Variants in TLN2 observed in about 807,000 individuals in gnomAD.
TLN2 encodes the protein talin-2.
Under a neutral mutation model 294.7 loss-of-function variants are expected in TLN2, and 118 were observed. That is an observed-to-expected ratio of 0.40 (90% CI 0.34 to 0.47). The LOEUF is 0.47. Ranked by LOEUF, TLN2 falls within the 20% of genes least tolerant of loss-of-function variation. The pLI, the probability that TLN2 is intolerant of heterozygous loss-of-function variation, is 0.84. For missense variants in TLN2, 3,083 were observed against 3,282.2 expected (o/e 0.94, Z 1.48); for synonymous variants, 1,431 against 1,304.5 (o/e 1.10, Z -2.09).
At chr15:62,419,707 G>T (rs1270002884) in intron 1 of TLN2, among the ~76,000 whole-genome samples, 1 of 152,018 alleles carries the variant, frequency 6.6e-6, no homozygotes, top group Non-Finnish European at 1.5e-5. Context: ...GAGTGCATTG[G>T]CTCACTGCAG....
At chr15:62,410,958 G>A (rs940791153) in intron 1 of TLN2, among the ~76,000 whole-genome samples, 10 of 152,282 alleles carry the variant, frequency 6.6e-5, no homozygotes, top group Non-Finnish European at 1.0e-4. Flanking sequence ...TTAAACCAGG[G>A]TACATCCATG....
chr15:62,483,347 C>T (rs577781774), intron 1 of TLN2, among the ~76,000 whole-genome samples: 1 of 152,300 alleles, frequency 6.6e-6, no homozygotes, highest in East Asian at 1.9e-4. Flanking sequence ...AGGCTGCTTC[C>T]TTCTGTGTTG....
intron 2 of TLN2, among the ~76,000 whole-genome samples, chr15:62,590,254 C>T (rs2045975493): frequency 6.6e-6 from 1 of 151,894 alleles, no homozygotes; most frequent in Non-Finnish European, 1.5e-5. Flanking sequence ...ATTTCATCAC[C>T]CAGGTATTAA....
intron 1 of TLN2, among the ~76,000 whole-genome samples, chr15:62,437,998 G>A (rs1482928320): frequency 1.3e-5 from 2 of 152,194 alleles, no homozygotes; most frequent in East Asian, 3.8e-4. Flanking sequence ...CTCGCCTCTG[G>A]TGGCAGCAGA....
At chr15:62,577,976 G>A (rs1438606105) in intron 1 of TLN2, among the ~76,000 whole-genome samples, 1 of 152,110 alleles carries the variant, frequency 6.6e-6, no homozygotes, top group African/African-American at 2.4e-5. Context: ...AGTTTGCTGA[G>A]AATGATGGTT....
At chr15:62,803,370 G>A (rs1389514552) in intron 50 of TLN2, among the ~76,000 whole-genome samples, 2 of 152,090 alleles carry the variant, frequency 1.3e-5, no homozygotes, top group African/African-American at 4.8e-5. Flanking sequence ...CTTTCTCTAG[G>A]TTTGGGAAGT....
chr15:62,523,565 G>A (rs938336272), intron 1 of TLN2, among the ~76,000 whole-genome samples: 17 of 152,218 alleles, frequency 1.1e-4, no homozygotes, highest in Non-Finnish European at 2.4e-4. Flanking sequence ...GAAGTTGGCT[G>A]AATCTTGGAG....
chr15:62,782,181 G>T (rs965796318), intron 44 of TLN2, among the ~76,000 whole-genome samples: 2 of 152,210 alleles, frequency 1.3e-5, no homozygotes, highest in Non-Finnish European at 2.9e-5. Flanking sequence ...ATGTAATCAT[G>T]TGTCCACTAG....
chr15:62,676,485 T>C (rs1272365184), intron 11 of TLN2, among the ~76,000 whole-genome samples: 1 of 152,180 alleles, frequency 6.6e-6, no homozygotes, highest in African/African-American at 2.4e-5. Context: ...ATGGCACTGG[T>C]GCCATCTAGG....
At chr15:62,750,158 A>G (rs537781769) in intron 33 of TLN2, among the ~76,000 whole-genome samples, 2 of 152,332 alleles carry the variant, frequency 1.3e-5, no homozygotes, top group South Asian at 4.1e-4. Flanking sequence ...TTCAAAACTG[A>G]AAACAAGAGA....
intron 1 of TLN2, among the ~76,000 whole-genome samples, chr15:62,518,438 C>T (rs535603057): frequency 6.6e-6 from 1 of 152,296 alleles, no homozygotes; most frequent in African/African-American, 2.4e-5. Context: ...GTTCAGATTT[C>T]AGCTCACTAG....
intron 1 of TLN2, among the ~76,000 whole-genome samples, chr15:62,534,730 G>GA (rs973269509): frequency 1.3e-4 from 20 of 152,136 alleles, no homozygotes; most frequent in African/African-American, 4.6e-4. Context: ...CCCTTATCCT[G>GA]AAGCTGGCTA....
Position 62,708,699 on chromosome 15 carries a change from G to A in TLN2, c.2370G>A (p.Gln790=). 1.2e-5 allele frequency: 20 copies of A among 1,613,904 alleles called. No homozygotes were observed. Among genetic ancestry groups the A allele is most frequent in the Non-Finnish European group, 1.7e-5 (20 of 1,180,036 alleles). The change falls in exon 21 of 59, where the codon CAG becomes CAA. Residue 790 remains glutamine, a synonymous_variant. Coordinates refer to ENST00000636159, the MANE Select transcript of TLN2 (RefSeq NM_015059.3). Reference sequence around the variant, plus strand: ...ATGATCTCCTGCAGCATGTGCGGCAGTTTGCCAGCCGAGGCGAGCCCATCG... The same window carrying A: ...ATGATCTCCTGCAGCATGTGCGGCAATTTGCCAGCCGAGGCGAGCCCATCG... The part of the protein sequence containing the change: ...ALHDLLQHVR[Q]FASRGEPIGR...
intron 22 of TLN2, among the ~76,000 whole-genome samples, chr15:62,715,435 T>C (rs983974734): frequency 6.6e-6 from 1 of 152,236 alleles, no homozygotes; most frequent in African/African-American, 2.4e-5. Context: ...GAAATCTTGA[T>C]TGCTACTGTT....
At chr15:62,569,342 T>C (rs2043672298) in intron 1 of TLN2, among the ~76,000 whole-genome samples, 1 of 152,236 alleles carries the variant, frequency 6.6e-6, no homozygotes, top group African/African-American at 2.4e-5. Context: ...GGCAGAGGTA[T>C]GCTCTCATGG....
At chr15:62,544,781 C>T (rs1156465570) in intron 1 of TLN2, among the ~76,000 whole-genome samples, 7 of 148,564 alleles carry the variant, frequency 4.7e-5, no homozygotes, top group African/African-American at 1.7e-4. Context: ...TCCTTCCATT[C>T]CTAGAATGGC....
intron 19 of TLN2, among the ~76,000 whole-genome samples, chr15:62,704,657 A>G (rs2058944188): frequency 6.6e-6 from 1 of 152,220 alleles, no homozygotes; most frequent in Admixed American, 6.5e-5. Context: ...AATTCATATG[A>G]TGGGTGGTAG....
rs139288923 is a variant in TLN2, at chr15:62,709,834, G to A, written c.2467+1038G>A. On this transcript the variant is annotated intron_variant, in intron 21 of 58. Coordinates refer to ENST00000636159, the MANE Select transcript of TLN2 (RefSeq NM_015059.3). Reference sequence around the variant, plus strand: ...ACTGCAACCTCCACCTCCCAGGTTCGAGAGATACTCTTGCCTCAGCCTCCC... The same window carrying A: ...ACTGCAACCTCCACCTCCCAGGTTCAAGAGATACTCTTGCCTCAGCCTCCC... 2.7e-3 allele frequency among the ~76,000 whole-genome samples: 412 copies of A among 151,882 alleles called. 3 individuals carry two copies. The highest frequency in any genetic ancestry group is 4.8e-3 in the Non-Finnish European group (329 of 67,978).
At chr15:62,809,626 A>AT (rs1451242298) in intron 51 of TLN2, among the ~76,000 whole-genome samples, 1 of 152,128 alleles carries the variant, frequency 6.6e-6, no homozygotes, top group African/African-American at 2.4e-5. Flanking sequence ...TGCATGTGGA[A>AT]TTTTTTGCAT....
Sources: allele counts gnomAD v4.1 joint callset (sites outside exome capture counted in the v4.1 genomes callset), GRCh38; gene constraint gnomAD v4.1.1; transcripts MANE v1.5; gene names NCBI Gene and HGNC (gene_info 2026-07-23, HGNC 2026-07-21).